The following CDK6 variants were observed in gnomAD, a reference collection of about 807,000 sequenced individuals.
CDK6 encodes the protein cyclin-dependent kinase 6.
CDK6 carries 6 observed loss-of-function variants against 37.1 expected under a neutral mutation model. That is an observed-to-expected ratio of 0.16 (90% CI 0.09 to 0.32). CDK6 has a LOEUF of 0.32. Among genes scored for constraint, CDK6 ranks in the 10% least tolerant of loss-of-function variants. CDK6 has a pLI of 1.00. For missense variants in CDK6, 224 were observed against 418.9 expected, an observed-to-expected ratio of 0.53 and a Z score of 4.06; for synonymous variants, 160 against 161.3, an observed-to-expected ratio of 0.99 and a Z score of 0.06.
At chr7:92,767,981 TAC>T (rs1197793803) in intron 3 of CDK6, among the ~76,000 whole-genome samples, 1 of 152,136 alleles carries the variant, frequency 6.6e-6, no homozygotes, top group African/African-American at 2.4e-5. Context: ...AATAAGGGTC[TAC>T]AATGTGCATA....
intron 4 of CDK6, among the ~76,000 whole-genome samples, chr7:92,691,299 T>C (rs762482943): frequency 6.6e-6 from 1 of 152,162 alleles, no homozygotes; most frequent in South Asian, 2.1e-4. Flanking sequence ...TAATAAGGCA[T>C]TGAGAAAGTG....
At chr7:92,814,494 G>A (rs770149364) in intron 2 of CDK6, among the ~76,000 whole-genome samples, 7 of 145,970 alleles carry the variant, frequency 4.8e-5, no homozygotes, top group Non-Finnish European at 9.0e-5. Flanking sequence ...CTTCCCGCAG[G>A]TAATAAGCAA....
intron 4 of CDK6, among the ~76,000 whole-genome samples, chr7:92,672,134 CATATATAT>C (rs372523914): frequency 1.5e-4 from 10 of 65,406 alleles, no homozygotes; most frequent in Admixed American, 4.0e-4. Context: ...AAAAGCTGTA[CATATATAT>C]ATATATATAT....
At chr7:92,637,853 C>T (rs917516753) in intron 5 of CDK6, among the ~76,000 whole-genome samples, 3 of 151,752 alleles carry the variant, frequency 2.0e-5, no homozygotes, top group Non-Finnish European at 4.4e-5. Flanking sequence ...AAAAAGAGAA[C>T]GCTGAGATAA....
Position 92,618,084 on chromosome 7 carries a change from T to C in CDK6, c.822A>G (p.Lys274=), listed in dbSNP as rs1390798954. The C allele has an allele frequency of 1.9e-6, 3 of 1,614,084 alleles. No homozygotes were observed. The Admixed American group carries it at 5.0e-5, about 27-fold the overall frequency. The part of the protein sequence containing the change: ...KFVTDIDELG[K]DLLLKCLTFN... ...CAGAAAAACTTACCAGAAGTAGGTCTTTGCCTAGTTCATCGATATCTGTTA... is the reference window on the plus strand; with the variant it reads ...CAGAAAAACTTACCAGAAGTAGGTCCTTGCCTAGTTCATCGATATCTGTTA... The change falls in exon 7 of 8, where the codon AAA becomes AAG. Residue 274 remains lysine (K), a synonymous_variant. Transcript: ENST00000424848.
chr7:92,765,156 T>A (rs1199224988), intron 3 of CDK6, among the ~76,000 whole-genome samples: 2 of 152,196 alleles, frequency 1.3e-5, no homozygotes, highest in African/African-American at 4.8e-5. Context: ...GAAAAACATG[T>A]ATCACTACAA....
intron 4 of CDK6, among the ~76,000 whole-genome samples, chr7:92,719,294 TG>T (rs1222393872): frequency 1.3e-5 from 2 of 152,194 alleles, no homozygotes; most frequent in African/African-American, 4.8e-5. Flanking sequence ...TGGCAATTTT[TG>T]TAATACTTCT....
intron 3 of CDK6, among the ~76,000 whole-genome samples, chr7:92,749,849 C>T (rs186860549): frequency 6.6e-6 from 1 of 152,298 alleles, no homozygotes; most frequent in Non-Finnish European, 1.5e-5. Context: ...AGGATAATAA[C>T]TTTGATAGTG....
chr7:92,647,607 C>T (rs1283647309), intron 5 of CDK6, among the ~76,000 whole-genome samples: 1 of 152,210 alleles, frequency 6.6e-6, no homozygotes, highest in African/African-American at 2.4e-5. Flanking sequence ...TTATTGAATG[C>T]TGACTATGTG....
At chr7:92,813,976 A>G (rs1800955983) in intron 2 of CDK6, among the ~76,000 whole-genome samples, 1 of 152,246 alleles carries the variant, frequency 6.6e-6, no homozygotes, top group African/African-American at 2.4e-5. Flanking sequence ...GCAAGCTTCA[A>G]TTAAGCTTGT....
At chr7:92,643,886 G>A (rs2116541222) in intron 5 of CDK6, among the ~76,000 whole-genome samples, 1 of 152,330 alleles carries the variant, frequency 6.6e-6, no homozygotes, top group Middle Eastern at 3.4e-3. Context: ...AGGTCTTTGT[G>A]TTTCGCAAAG....
At position 92,778,924 on chromosome 7, in the gene CDK6, C is replaced by CATATATAT. The variant is rs145888983; in HGVS notation, c.234-4101_234-4094dup. Among the ~76,000 whole-genome samples, 113 of 109,016 alleles carry CATATATAT rather than the reference C, an allele frequency of 1.0e-3. 2 individuals carry two copies. Among genetic ancestry groups the CATATATAT allele is most frequent in the Middle Eastern group, 4.7e-3 (1 of 214 alleles). The allele number at this position is 109,016 out of a possible 152,430, so 71.5% of individuals were successfully genotyped here. A position where few individuals can be genotyped will look rare whatever the true frequency, so the allele number is the denominator to read the frequency against. ...AGTTCTTACTGCATTTATAGTTTAT[C>CATATATAT]ATATATATATATATATATATATAAG... is the stretch of plus-strand genomic sequence containing the variant. On this transcript the variant is annotated intron_variant, in intron 2 of 7. Coordinates refer to ENST00000424848, the MANE Select transcript of CDK6 (RefSeq NM_001145306.2).
chr7:92,706,147 G>T (rs1224923824), intron 4 of CDK6, among the ~76,000 whole-genome samples: 1 of 152,214 alleles, frequency 6.6e-6, no homozygotes, highest in Non-Finnish European at 1.5e-5. Context: ...TAACCTATTT[G>T]GGAAATGAAC....
intron 3 of CDK6, among the ~76,000 whole-genome samples, chr7:92,771,445 C>T (rs548601485): frequency 1.8e-4 from 28 of 151,982 alleles, no homozygotes; most frequent in Non-Finnish European, 3.2e-4. Context: ...GATTTGGATC[C>T]TTTGAAAAGT....
At chr7:92,650,066 G>A (rs571457191) in intron 5 of CDK6, among the ~76,000 whole-genome samples, 2 of 152,148 alleles carry the variant, frequency 1.3e-5, no homozygotes, top group Non-Finnish European at 2.9e-5. Context: ...TCACCAATTT[G>A]TTACTATATG....
At chr7:92,743,028 ACCATTAGTTTGCTGC>A (rs1415640596) in intron 3 of CDK6, among the ~76,000 whole-genome samples, 1 of 151,064 alleles carries the variant, frequency 6.6e-6, no homozygotes, top group East Asian at 1.9e-4. Context: ...AAGTGATAAG[ACCATTAGTTTGCTGC>A]CCTTTCTCGG....
At chr7:92,791,221 C>T (rs1223570862) in intron 2 of CDK6, among the ~76,000 whole-genome samples, 1 of 152,082 alleles carries the variant, frequency 6.6e-6, no homozygotes, top group Non-Finnish European at 1.5e-5. Context: ...GACTCACATG[C>T]TTTTGACTTT....
chr7:92,790,741 T>C (rs1212650893), intron 2 of CDK6, among the ~76,000 whole-genome samples: 1 of 152,130 alleles, frequency 6.6e-6, no homozygotes, highest in African/African-American at 2.4e-5. Flanking sequence ...ACCTATGGAA[T>C]TTTAAGAAAT....
chr7:92,790,146 A>G (rs1800246005), intron 2 of CDK6, among the ~76,000 whole-genome samples: 1 of 152,168 alleles, frequency 6.6e-6, no homozygotes, highest in African/African-American at 2.4e-5. Flanking sequence ...GAACATCTCA[A>G]TTTCAAAATG....
Sources: gnomAD v4.1 joint callset for allele counts (sites outside exome capture counted in the v4.1 genomes callset) on GRCh38, gnomAD v4.1.1 for gene constraint, MANE v1.5 for transcripts, NCBI Gene and HGNC (gene_info 2026-07-23, HGNC 2026-07-21) for gene names.